The following UBE3C variants were observed in gnomAD, a reference collection of about 807,000 sequenced individuals.
UBE3C encodes ubiquitin-protein ligase E3C.
A neutral mutation model predicts 129.4 loss-of-function variants in UBE3C; 42 were observed. That is an observed-to-expected ratio of 0.32 (90% CI 0.25 to 0.42). The LOEUF (loss-of-function observed/expected upper bound fraction) is 0.42, where lower values mean the gene tolerates loss of function less well. UBE3C is among the 10% of genes least tolerant of loss of function. The probability of loss-of-function intolerance (pLI) is 1.00; values close to 1 mark genes in which losing one functional copy is unlikely to be tolerated. For synonymous variants in UBE3C, 510 were observed against 492.4 expected (o/e 1.04, Z -0.47); for missense variants, 1,049 against 1,319.1 (o/e 0.80, Z 3.17).
chr7:157,236,729 C>CT (rs141390317), intron 18 of UBE3C, among the ~76,000 whole-genome samples: 3,103 of 148,764 alleles, frequency 0.021, 91 homozygotes, highest in African/African-American at 0.06. Flanking sequence ...ACCCTAAACT[C>CT]TTTTTTTTTT....
At chr7:157,196,490 C>T (rs1286984975) in intron 10 of UBE3C, among the ~76,000 whole-genome samples, 2 of 152,138 alleles carry the variant, frequency 1.3e-5, no homozygotes, top group African/African-American at 2.4e-5. Flanking sequence ...TGTATTTCTA[C>T]ACTAGTCTTG....
chr7:157,196,153 C>T (rs879730575), intron 10 of UBE3C, among the ~76,000 whole-genome samples: 1 of 152,038 alleles, frequency 6.6e-6, no homozygotes, highest in Non-Finnish European at 1.5e-5. Context: ...GATAGAAGGC[C>T]GCAAGCCAAG....
intron 18 of UBE3C, among the ~76,000 whole-genome samples, chr7:157,244,435 T>C (rs1344319090): frequency 6.6e-6 from 1 of 152,236 alleles, no homozygotes; most frequent in Admixed American, 6.5e-5. Flanking sequence ...TTTTAAATTA[T>C]ATGGTTAATA....
At chr7:157,196,017 G>A (rs1476155777) in intron 10 of UBE3C, among the ~76,000 whole-genome samples, 5 of 152,126 alleles carry the variant, frequency 3.3e-5, no homozygotes, top group African/African-American at 1.2e-4. Context: ...TCAAGACGAG[G>A]CGATAAGCCC....
chr7:157,139,355 CG>C lies in UBE3C; in HGVS notation c.66+21del. 1 of 1,563,040 alleles carries C rather than the reference CG, an allele frequency of 6.4e-7. No homozygotes were observed. Among genetic ancestry groups the C allele is most frequent in the Non-Finnish European group, 8.6e-7 (1 of 1,163,388 alleles). On this transcript the variant is annotated intron_variant, in intron 1 of 22. Coordinates refer to ENST00000348165, the MANE Select transcript of UBE3C (RefSeq NM_014671.3). Reference sequence around the variant, plus strand: ...AGCAGGAAGGTGAGGGCCGGGCTGGCGGGGCGCCCTCGGCTCGGGGCCTGCG... The same window carrying C: ...AGCAGGAAGGTGAGGGCCGGGCTGGCGGGCGCCCTCGGCTCGGGGCCTGCG...
chr7:157,206,484 G>A (rs1452322404), intron 11 of UBE3C, among the ~76,000 whole-genome samples: 2 of 151,660 alleles, frequency 1.3e-5, no homozygotes, highest in African/African-American at 2.4e-5. Context: ...GGCTGGTCTC[G>A]AACTCTTGAC....
At chr7:157,151,890 G>A (rs931228865) in intron 1 of UBE3C, among the ~76,000 whole-genome samples, 1 of 152,148 alleles carries the variant, frequency 6.6e-6, no homozygotes, top group Non-Finnish European at 1.5e-5. Context: ...GAGCATCACA[G>A]TAAAGTGGCC....
chr7:157,161,949 A>G (rs1808082195), intron 1 of UBE3C, among the ~76,000 whole-genome samples: 1 of 151,844 alleles, frequency 6.6e-6, no homozygotes, highest in African/African-American at 2.4e-5. Context: ...ATGCACCCGT[A>G]GTCCCAGTTA....
intron 5 of UBE3C, among the ~76,000 whole-genome samples, chr7:157,177,291 T>C (rs1327268566): frequency 6.6e-6 from 1 of 152,216 alleles, no homozygotes; most frequent in Admixed American, 6.5e-5. Flanking sequence ...GTCACTCAGA[T>C]GGCTCTTTTT....
At chr7:157,251,321 C>T (rs1026445993) in intron 19 of UBE3C, among the ~76,000 whole-genome samples, 17 of 152,070 alleles carry the variant, frequency 1.1e-4, no homozygotes, top group African/African-American at 3.9e-4. Context: ...ATCAATTTGG[C>T]TGTTAATCTG....
chr7:157,227,788 T>C lies in UBE3C; in HGVS notation c.2233+2249T>C, dbSNP rs1208758302. Among the ~76,000 whole-genome samples, 3 of 152,312 alleles carry C rather than the reference T, an allele frequency of 2.0e-5. No homozygotes were observed. The East Asian group carries it at 5.8e-4, about 29-fold the overall frequency. On this transcript the variant is annotated intron_variant, in intron 17 of 22. Transcript: ENST00000348165. ...AAGCCTCAAATTTCCTAATGAATCC[T>C]TAAGCTTTAAAAATTGTTAAAAAAC...
At chr7:157,260,422 C>T (rs984836432) in intron 22 of UBE3C, among the ~76,000 whole-genome samples, 7 of 152,134 alleles carry the variant, frequency 4.6e-5, no homozygotes, top group African/African-American at 1.4e-4. Context: ...GAGTTTGAAG[C>T]ATGACCCATG....
At chr7:157,202,013 G>T (rs139086581) in intron 11 of UBE3C, among the ~76,000 whole-genome samples, 16 of 152,228 alleles carry the variant, frequency 1.1e-4, no homozygotes, top group African/African-American at 3.9e-4. Context: ...ATTATAGAGA[G>T]TATGGTTTTA....
In UBE3C at chr7:157,178,707, A is replaced by G. The variant is rs369375449; in HGVS notation, c.476A>G (p.Asn159Ser). The G allele has an allele frequency of 1.2e-6, 2 of 1,614,060 alleles. No individual in the cohort carries two copies. Among genetic ancestry groups the G allele is most frequent in the Admixed American group, 1.7e-5 (1 of 60,020 alleles). Residue 159 changes from asparagine (N) to serine (S), a missense_variant, in exon 6 of 23, where the codon AAT becomes AGT. By Grantham distance (46) the Asn-to-Ser change is conservative (BLOSUM62 1). Around this residue, in one of 4 missense-constraint regions of UBE3C, gnomAD observed 489 missense variants for 513.8 expected, o/e 0.95. Coordinates refer to ENST00000348165, the MANE Select transcript of UBE3C (RefSeq NM_014671.3). ...TTTTACAGGTTGCTGCAAAACTGTA[A>G]TGATGACAGTTTGAATGTTGCACTT... is the stretch of plus-strand genomic sequence containing the variant. ...SLCCRLLQNC[N>S]DDSLNVALPM...
intron 13 of UBE3C, among the ~76,000 whole-genome samples, chr7:157,209,685 G>A (rs960615988): frequency 6.6e-6 from 1 of 152,128 alleles, no homozygotes; most frequent in African/African-American, 2.4e-5. Context: ...ACTGTTTTAT[G>A]GCATCTGTTG....
intron 19 of UBE3C, among the ~76,000 whole-genome samples, chr7:157,249,226 C>T (rs2116683058): frequency 6.6e-6 from 1 of 152,258 alleles, no homozygotes; most frequent in East Asian, 1.9e-4. Context: ...AGCAACCGTG[C>T]ACCCATTAGC....
chr7:157,148,669 A>C (rs1253204892), intron 1 of UBE3C, among the ~76,000 whole-genome samples: 1 of 152,180 alleles, frequency 6.6e-6, no homozygotes, highest in Admixed American at 6.5e-5. Context: ...GGAACATAAA[A>C]ACTTTTTCTT....
At chr7:157,199,351 A>G (rs1273882039) in intron 10 of UBE3C, among the ~76,000 whole-genome samples, 1 of 152,170 alleles carries the variant, frequency 6.6e-6, no homozygotes, top group African/African-American at 2.4e-5. Flanking sequence ...CACTCTTATC[A>G]GGCATATGGT....
At chr7:157,170,162 C>A in intron 3 of UBE3C, 142 bp from the exon 4 acceptor site, 329 of 394,732 alleles carry the variant, frequency 8.3e-4, no homozygotes, top group Middle Eastern at 2.6e-3. Context: ...TTCTACAATT[C>A]AACTGTGAGC....
Sources: allele counts gnomAD v4.1 joint callset (sites outside exome capture counted in the v4.1 genomes callset), GRCh38; gene constraint gnomAD v4.1.1; regional missense constraint gnomAD v4.1.1; transcripts MANE v1.5; gene names NCBI Gene and HGNC (gene_info 2026-07-23, HGNC 2026-07-21).